Variants in PTPRD observed in about 807,000 individuals in gnomAD.
PTPRD encodes protein tyrosine phosphatase receptor type D, also known as receptor-type tyrosine-protein phosphatase delta.
A neutral mutation model predicts 214.5 loss-of-function variants in PTPRD; 34 were observed. That is an observed-to-expected ratio of 0.16 (90% CI 0.12 to 0.21). The LOEUF (loss-of-function observed/expected upper bound fraction) is 0.21. Among genes scored for constraint, PTPRD ranks in the 10% least tolerant of loss-of-function variants. The probability of loss-of-function intolerance (pLI) is 1.00; values close to 1 mark genes in which losing one functional copy is unlikely to be tolerated. For missense variants in PTPRD, 2,545 were observed against 2,398.7 expected, an observed-to-expected ratio of 1.06 and a Z score of -1.27; for synonymous variants, 1,128 against 845.7, an observed-to-expected ratio of 1.33 and a Z score of -5.79.
intron 2 of PTPRD, among the ~76,000 whole-genome samples, chr9:10,492,977 A>C (rs1322205518): frequency 1.3e-5 from 2 of 152,154 alleles, no homozygotes; most frequent in Non-Finnish European, 2.9e-5. Context: ...TAGCCACATA[A>C]TAAGAGAACT....
intron 7 of PTPRD, among the ~76,000 whole-genome samples, chr9:9,658,824 C>T (rs1053632559): frequency 6.6e-5 from 10 of 151,976 alleles, no homozygotes; most frequent in Non-Finnish European, 1.3e-4. Context: ...ATTTAATTGT[C>T]ACAACAATTC....
intron 3 of PTPRD, among the ~76,000 whole-genome samples, chr9:10,299,564 C>A (rs558717888): frequency 1.3e-5 from 2 of 152,276 alleles, no homozygotes; most frequent in Admixed American, 1.3e-4. Flanking sequence ...AGAATACTCA[C>A]TTCCTGAAGG....
At chr9:8,998,620 G>T (rs1353486161) in intron 11 of PTPRD, among the ~76,000 whole-genome samples, 1 of 151,982 alleles carries the variant, frequency 6.6e-6, no homozygotes, top group Non-Finnish European at 1.5e-5. Context: ...TCATTTTCTA[G>T]CCTATGGATC....
chr9:8,944,323 C>G (rs2099051230), intron 11 of PTPRD, among the ~76,000 whole-genome samples: 4 of 152,044 alleles, frequency 2.6e-5, no homozygotes, highest in South Asian at 2.1e-4. Context: ...TTAGTATACT[C>G]ACTAGGGACA....
chr9:10,230,019 A>C (rs886557235), intron 3 of PTPRD, among the ~76,000 whole-genome samples: 3 of 152,002 alleles, frequency 2.0e-5, no homozygotes, highest in African/African-American at 7.2e-5. Context: ...GCACATTTCA[A>C]TTCTCAAGTT....
intron 8 of PTPRD, among the ~76,000 whole-genome samples, chr9:9,416,110 C>T (rs1265987486): frequency 1.3e-5 from 2 of 152,168 alleles, no homozygotes; most frequent in African/African-American, 4.8e-5. Flanking sequence ...TTCTAAATAT[C>T]TCTTGAGGGC....
Position 8,402,812 on chromosome 9 carries a change from T to C in PTPRD, c.4210+1725A>G, listed in dbSNP as rs551605095. Reference sequence around the variant, plus strand: ...ATTTGAAAAGAAGCGATTACCCATTTGACATTATTATGCCTGATCTAGTAT... The same window carrying C: ...ATTTGAAAAGAAGCGATTACCCATTCGACATTATTATGCCTGATCTAGTAT... On this transcript the variant is annotated intron_variant, in intron 36 of 45. Coordinates refer to ENST00000381196, the MANE Select transcript of PTPRD (RefSeq NM_002839.4). Among the ~76,000 whole-genome samples the C allele has an allele frequency of 1.1e-4, 16 of 152,254 alleles. 1 individual carries two copies. Among genetic ancestry groups the C allele is most frequent in the African/African-American group, 3.6e-4 (15 of 41,552 alleles).
chr9:9,835,195 T>C (rs544319734), intron 5 of PTPRD, among the ~76,000 whole-genome samples: 1 of 152,264 alleles, frequency 6.6e-6, no homozygotes, highest in African/African-American at 2.4e-5. Flanking sequence ...TTCAGTTATA[T>C]TTCTGCGGAT....
intron 11 of PTPRD, among the ~76,000 whole-genome samples, chr9:8,983,334 GA>G (rs1310029676): frequency 1.3e-5 from 2 of 151,914 alleles, no homozygotes; most frequent in East Asian, 3.9e-4. Context: ...AATAAGTAGG[GA>G]AAAAAACCTC....
In PTPRD at chr9:8,497,432, T is replaced by G. The variant is rs565107112; in HGVS notation, c.2323-164A>C. On this transcript the variant is annotated intron_variant, in intron 25 of 45. Coordinates refer to ENST00000381196, the MANE Select transcript of PTPRD (RefSeq NM_002839.4). ...TGTGTGATTTGCTGCCACCTCCACC[T>G]CTGATTGGGAAGTCAAATTAAATAT... Among the ~76,000 whole-genome samples, 3 of 152,352 alleles carry G rather than the reference T, an allele frequency of 2.0e-5. No homozygotes were observed. The South Asian group carries it at 6.2e-4, about 32-fold the overall frequency.
At chr9:8,468,183 C>A (rs1481881218) in intron 31 of PTPRD, among the ~76,000 whole-genome samples, 1 of 151,950 alleles carries the variant, frequency 6.6e-6, no homozygotes, top group Non-Finnish European at 1.5e-5. Flanking sequence ...TAAAGTCAAA[C>A]CTGGAGCATC....
intron 10 of PTPRD, among the ~76,000 whole-genome samples, chr9:9,089,235 A>C (rs2099772053): frequency 6.6e-6 from 1 of 152,218 alleles, no homozygotes; most frequent in Non-Finnish European, 1.5e-5. Context: ...ATGTTTAGAG[A>C]ATAAATATTT....
chr9:10,294,675 G>A (rs2095624677), intron 3 of PTPRD, among the ~76,000 whole-genome samples: 1 of 151,930 alleles, frequency 6.6e-6, no homozygotes, highest in South Asian at 2.1e-4. Context: ...CTACTTTACA[G>A]AGATAAGCAA....
intron 12 of PTPRD, among the ~76,000 whole-genome samples, chr9:8,726,098 A>G (rs1451888897): frequency 6.6e-6 from 1 of 152,034 alleles, no homozygotes; most frequent in Non-Finnish European, 1.5e-5. Flanking sequence ...GCTAAAGCAA[A>G]CTGAAGAAAA....
chr9:10,372,732 A>T (rs952001498), intron 2 of PTPRD, among the ~76,000 whole-genome samples: 1 of 152,116 alleles, frequency 6.6e-6, no homozygotes, highest in South Asian at 2.1e-4. Flanking sequence ...GCAATTAACT[A>T]GCGTTCTTGT....
chr9:9,569,784 G>C (rs2085786243), intron 8 of PTPRD, among the ~76,000 whole-genome samples: 1 of 151,434 alleles, frequency 6.6e-6, no homozygotes, highest in Admixed American at 6.6e-5. Flanking sequence ...ATCATATAGA[G>C]TAAGTATTAA....
At chr9:9,348,703 T>G (rs2137961875) in intron 9 of PTPRD, among the ~76,000 whole-genome samples, 1 of 152,254 alleles carries the variant, frequency 6.6e-6, no homozygotes, top group Middle Eastern at 3.4e-3. Context: ...AATGGCATCT[T>G]CACCTACTCT....
At chr9:10,510,049 C>A (rs1003107485) in intron 2 of PTPRD, among the ~76,000 whole-genome samples, 1 of 152,144 alleles carries the variant, frequency 6.6e-6, no homozygotes, top group East Asian at 1.9e-4. Context: ...CTCTAGTATA[C>A]ATATAAATTA....
chr9:9,399,878 C>T (rs1420456420), intron 8 of PTPRD, among the ~76,000 whole-genome samples: 1 of 152,014 alleles, frequency 6.6e-6, no homozygotes, highest in Non-Finnish European at 1.5e-5. Context: ...AACAGCTTTC[C>T]TCTACTAAAT....
Sources: allele counts gnomAD v4.1 joint callset (sites outside exome capture counted in the v4.1 genomes callset), GRCh38; gene constraint gnomAD v4.1.1; transcripts MANE v1.5; gene names NCBI Gene and HGNC (gene_info 2026-07-23, HGNC 2026-07-21).